Variants in CDCP1 observed in about 807,000 individuals in gnomAD.
CDCP1 encodes CUB domain-containing protein 1.
In CDCP1, 29 loss-of-function variants were observed where a neutral mutation model predicts 60.2. The observed-to-expected ratio is 0.48, with a 90% CI of 0.36 to 0.66. The LOEUF (loss-of-function observed/expected upper bound fraction) is 0.66, where lower values mean the gene tolerates loss of function less well. Ranked by LOEUF, CDCP1 falls within the 30% of genes least tolerant of loss-of-function variation. The pLI is 0.00. For missense variants in CDCP1, 876 were observed against 1,074.3 expected, an observed-to-expected ratio of 0.82 and a Z score of 2.58; for synonymous variants, 387 against 431.1, an observed-to-expected ratio of 0.90 and a Z score of 1.27.
chr3:45,137,937 A>G (rs1160192338), intron 1 of CDCP1, among the ~76,000 whole-genome samples: 1 of 152,194 alleles, frequency 6.6e-6, no homozygotes, highest in Non-Finnish European at 1.5e-5. Flanking sequence ...TCCATCTCTC[A>G]GCAGGGATTA....
At chr3:45,130,206 C>T (rs1282408250) in intron 1 of CDCP1, among the ~76,000 whole-genome samples, 1 of 151,800 alleles carries the variant, frequency 6.6e-6, no homozygotes, top group African/African-American at 2.4e-5. Context: ...ACTGCAGCTT[C>T]GGCCTCCCAG....
At chr3:45,144,406 A>G (rs1294381336) in intron 1 of CDCP1, among the ~76,000 whole-genome samples, 2 of 152,170 alleles carry the variant, frequency 1.3e-5, no homozygotes, top group Non-Finnish European at 2.9e-5. Context: ...AGCCTGATGT[A>G]CCCTCAAAGG....
chr3:45,140,926 C>A (rs1023489471), intron 1 of CDCP1, among the ~76,000 whole-genome samples: 1 of 152,140 alleles, frequency 6.6e-6, no homozygotes, highest in African/African-American at 2.4e-5. Context: ...TCTGGCTGGG[C>A]GTGGTGGCTC....
At chr3:45,133,092 A>G (rs1009530405) in intron 1 of CDCP1, among the ~76,000 whole-genome samples, 11 of 152,180 alleles carry the variant, frequency 7.2e-5, no homozygotes, top group Non-Finnish European at 1.2e-4. Flanking sequence ...TGTAGCTAGT[A>G]TTGAAGATGG....
Position 45,126,171 on chromosome 3 carries a change from T to TTTCTTTCTTTCCTTCC in CDCP1, c.83-7551_83-7550insGGAAGGAAAGAAAGAA, listed in dbSNP as rs1252108024. On this transcript the variant is annotated intron_variant, in intron 1 of 8. Transcript: ENST00000296129. ...CTTTCTTTCTTTCTTTCTTTCTTTC[T>TTTCTTTCTTTCCTTCC]TTCCTTCTTTCTCTCTCTCTCTCTT... 8.6e-5 allele frequency among the ~76,000 whole-genome samples: 12 copies of TTTCTTTCTTTCCTTCC among 140,042 alleles called. No homozygotes were observed. In the East Asian group the frequency reaches 1.1e-3, roughly 13 times the overall value. 91.9% of individuals were successfully genotyped at this position (140,042 alleles called of 152,430 possible).
chr3:45,115,649 A>G (rs566637389), intron 2 of CDCP1, among the ~76,000 whole-genome samples: 1 of 152,296 alleles, frequency 6.6e-6, no homozygotes, highest in Non-Finnish European at 1.5e-5. Context: ...ATTGACTTAA[A>G]TTGATAAATT....
chr3:45,113,704 C>G (rs1423215055), intron 2 of CDCP1, among the ~76,000 whole-genome samples: 1 of 152,162 alleles, frequency 6.6e-6, no homozygotes, highest in Admixed American at 6.6e-5. Flanking sequence ...ATTCCAGATC[C>G]CAGGACGAAA....
intron 8 of CDCP1, among the ~76,000 whole-genome samples, chr3:45,087,077 G>A (rs1263966580): frequency 6.6e-6 from 1 of 152,128 alleles, no homozygotes; most frequent in Non-Finnish European, 1.5e-5. Context: ...CCCCACTAAA[G>A]CTCTTCTCAT....
intron 4 of CDCP1, among the ~76,000 whole-genome samples, chr3:45,103,706 A>G (rs904642018): frequency 3.3e-5 from 5 of 152,182 alleles, no homozygotes; most frequent in Non-Finnish European, 5.9e-5. Flanking sequence ...GGCTGTTATA[A>G]AGCTAGGCTG....
intron 1 of CDCP1, among the ~76,000 whole-genome samples, chr3:45,134,501 T>C (rs1699161058): frequency 6.6e-6 from 1 of 152,202 alleles, no homozygotes; most frequent in Non-Finnish European, 1.5e-5. Context: ...TGTGGGTGTA[T>C]TGCCATCCCA....
intron 3 of CDCP1, 25 bp downstream of exon 3, chr3:45,112,058 A>G: frequency 6.2e-7 from 1 of 1,604,474 alleles, no homozygotes; most frequent in Non-Finnish European, 8.5e-7. Flanking sequence ...TAACCTAATC[A>G]GATAGCAGGG....
chr3:45,143,036 C>A (rs1014289567), intron 1 of CDCP1, among the ~76,000 whole-genome samples: 2 of 152,172 alleles, frequency 1.3e-5, no homozygotes, highest in Non-Finnish European at 2.9e-5. Context: ...AACCCCGTTT[C>A]TACTAAAAAT....
chr3:45,089,036 G>A lies in CDCP1; in HGVS notation c.2081+18C>T, dbSNP rs1448123381. ...GGAGGCATCAAATCAGATAAAGAGAGTAAGAGATTCCACCTACTTCTTTTT... is the reference window on the plus strand; with the variant it reads ...GGAGGCATCAAATCAGATAAAGAGAATAAGAGATTCCACCTACTTCTTTTT... On this transcript the variant is annotated intron_variant, in intron 8 of 8. Coordinates refer to ENST00000296129, the MANE Select transcript of CDCP1 (RefSeq NM_022842.5). 1 of 1,597,476 alleles carries A rather than the reference G, an allele frequency of 6.3e-7. No homozygotes were observed. The highest frequency in any genetic ancestry group is 1.1e-5 in the South Asian group (1 of 90,652).
intron 2 of CDCP1, among the ~76,000 whole-genome samples, chr3:45,116,575 G>A (rs539843861): frequency 6.6e-6 from 1 of 152,200 alleles, no homozygotes. Flanking sequence ...TTGAGGAGCT[G>A]TGACATGATA....
chr3:45,105,966 T>C (rs4683044), intron 4 of CDCP1, among the ~76,000 whole-genome samples: 146,172 of 152,246 alleles, frequency 0.96, 70,451 homozygotes, highest in Middle Eastern at 1. Flanking sequence ...CAGCTGAAGC[T>C]ATCACTGCTT....
intron 4 of CDCP1, among the ~76,000 whole-genome samples, chr3:45,106,524 G>T (rs1237137637): frequency 6.6e-6 from 1 of 152,212 alleles, no homozygotes; most frequent in African/African-American, 2.4e-5. Flanking sequence ...TGACTCCTGA[G>T]ATTGGTGCAA....
chr3:45,088,817 C>T (rs752415445), intron 8 of CDCP1, among the ~76,000 whole-genome samples: 11 of 152,142 alleles, frequency 7.2e-5, no homozygotes, highest in Non-Finnish European at 1.5e-4. Flanking sequence ...GAGGCAGCTG[C>T]ACCATGAACT....
intron 1 of CDCP1, among the ~76,000 whole-genome samples, chr3:45,143,426 C>T (rs1030046123): frequency 2.0e-5 from 3 of 152,096 alleles, no homozygotes; most frequent in Non-Finnish European, 2.9e-5. Flanking sequence ...TATTGTTGGA[C>T]GTGTTCTATT....
At chr3:45,105,478 G>T (rs750911361) in intron 4 of CDCP1, among the ~76,000 whole-genome samples, 1 of 152,198 alleles carries the variant, frequency 6.6e-6, no homozygotes, top group Non-Finnish European at 1.5e-5. Flanking sequence ...TTAACAAAGC[G>T]TCCTGTGTAA....
Sources: allele counts gnomAD v4.1 joint callset (sites outside exome capture counted in the v4.1 genomes callset), GRCh38; gene constraint gnomAD v4.1.1; transcripts MANE v1.5; gene names NCBI Gene and HGNC (gene_info 2026-07-23, HGNC 2026-07-21).